The following SCOC variants were observed in gnomAD, a reference collection of about 807,000 sequenced individuals.
SCOC encodes short coiled coil protein.
In SCOC, 7 loss-of-function variants were observed where a neutral mutation model predicts 9.9. The ratio of observed to expected loss-of-function variants is 0.71; its 90% CI spans 0.40 to 1.33. The LOEUF is 1.33. Among genes scored for constraint, SCOC ranks in the 40% most tolerant of loss-of-function variants. The pLI, the probability that SCOC is intolerant of heterozygous loss-of-function variation, is 0.01. For missense variants in SCOC, 66 were observed against 89.7 expected (o/e 0.74, Z 1.07); for synonymous variants, 19 against 28.2 (o/e 0.67, Z 1.03).
chr4:140,315,129 C>A (rs928708697), intron 1 of SCOC, among the ~76,000 whole-genome samples: 1 of 152,164 alleles, frequency 6.6e-6, no homozygotes, highest in Non-Finnish European at 1.5e-5. Context: ...ACTCCATATT[C>A]TCTCTCTTCA....
chr4:140,333,770 G>T (rs978981582), intron 1 of SCOC, among the ~76,000 whole-genome samples: 1 of 152,176 alleles, frequency 6.6e-6, no homozygotes, highest in Non-Finnish European at 1.5e-5. Context: ...CTGACATCTT[G>T]TTGCTGGAGT....
intron 1 of SCOC, among the ~76,000 whole-genome samples, chr4:140,330,431 T>C (rs1480501484): frequency 6.6e-6 from 1 of 152,004 alleles, no homozygotes; most frequent in Admixed American, 6.6e-5. Flanking sequence ...ATAAAAAAAT[T>C]AAAAATTAAA....
chr4:140,372,429 T>C (rs1232903894), upstream of SCOC, among the ~76,000 whole-genome samples: 1 of 152,226 alleles, frequency 6.6e-6, no homozygotes, highest in Non-Finnish European at 1.5e-5. Flanking sequence ...AATCTGAAAA[T>C]TCAAATATTC....
chr4:140,340,783 C>CTTTTTTTTTTTTTT (rs36136647), upstream of SCOC, among the ~76,000 whole-genome samples: 378 of 40,448 alleles, frequency 9.3e-3, 63 homozygotes, highest in Middle Eastern at 0.019. Context: ...TGCTGCCTAA[C>CTTTTTTTTTTTTTT]TTTTTTTTTT....
upstream of SCOC, among the ~76,000 whole-genome samples, chr4:140,338,718 A>C (rs1726375207): frequency 6.6e-6 from 1 of 152,202 alleles, no homozygotes. Flanking sequence ...AAGAGAATAA[A>C]ATACCTAGGA....
At chr4:140,279,503 C>T (rs551597570) in intron 1 of SCOC, among the ~76,000 whole-genome samples, 1 of 152,190 alleles carries the variant, frequency 6.6e-6, no homozygotes, top group East Asian at 1.9e-4. Flanking sequence ...AAGGACTATC[C>T]TTGGATACTG....
At chr4:140,295,804 G>A (rs62345648) in intron 1 of SCOC, among the ~76,000 whole-genome samples, 1 of 151,930 alleles carries the variant, frequency 6.6e-6, no homozygotes, top group Admixed American at 6.5e-5. Context: ...GGTGGCGGGC[G>A]CCTGTAGTCC....
At chr4:140,350,024 C>T (rs562843473) in intron 2 of SCOC, among the ~76,000 whole-genome samples, 10 of 152,300 alleles carry the variant, frequency 6.6e-5, no homozygotes, top group African/African-American at 2.2e-4. Flanking sequence ...GTAGGAGACC[C>T]TTAATGTTCC....
intron 2 of SCOC, among the ~76,000 whole-genome samples, chr4:140,350,854 G>C (rs1290519391): frequency 6.6e-6 from 1 of 152,122 alleles, no homozygotes; most frequent in Non-Finnish European, 1.5e-5. Context: ...TCCTTCCTCT[G>C]TTGCCCACTT....
chr4:140,336,606 AATTT>A (rs1361440608), intron 1 of SCOC, among the ~76,000 whole-genome samples: 2 of 152,112 alleles, frequency 1.3e-5, no homozygotes, highest in African/African-American at 2.4e-5. Context: ...TACGTATCAC[AATTT>A]ATTTATCCAT....
At chr4:140,321,479 GAGAT>G (rs1159515778) in intron 1 of SCOC, among the ~76,000 whole-genome samples, 4 of 152,134 alleles carry the variant, frequency 2.6e-5, no homozygotes, top group African/African-American at 9.7e-5. Context: ...GTTCAACAGA[GAGAT>G]AGAAACAACA....
chr4:140,343,677 A>AT lies in SCOC; in HGVS notation c.41dup (p.Thr15HisfsTer8), dbSNP rs752622095. 7 of 1,613,662 alleles carry AT rather than the reference A, an allele frequency of 4.3e-6. No homozygotes were observed. The Admixed American group carries it at 1.0e-4, about 23-fold the overall frequency. ...GGAAAGAGGAGGAGGAAGACAGCAC[A>AT]TTCACCAACATTTCTCTTGCAGATG... On this transcript the variant is annotated frameshift_variant, in exon 2 of 5. Transcript: ENST00000338517. LOFTEE classifies it high-confidence loss of function.
At chr4:140,354,364 T>C (rs181308330) in intron 2 of SCOC, among the ~76,000 whole-genome samples, 1 of 152,348 alleles carries the variant, frequency 6.6e-6, no homozygotes, top group African/African-American at 2.4e-5. Context: ...TAAAATGTTA[T>C]AATTTGAGAG....
intron 1 of SCOC, among the ~76,000 whole-genome samples, chr4:140,334,079 C>T (rs1471961352): frequency 6.6e-6 from 1 of 152,158 alleles, no homozygotes; most frequent in East Asian, 1.9e-4. Flanking sequence ...TCACGCCCAG[C>T]TAATTAAAAA....
rs778639704 is a variant in SCOC, at chr4:140,384,592, C to T, written c.*3488C>T. 1.3e-5 allele frequency: 2 copies of T among 152,262 alleles called. No homozygotes were observed. The highest frequency in any genetic ancestry group is 1.9e-4 in the East Asian group (1 of 5,202). 9.4% of individuals were successfully genotyped at this position (152,262 alleles called of 1,614,324 possible). A position where few individuals can be genotyped will look rare whatever the true frequency, so the allele number is the denominator to read the frequency against. On this transcript the variant is annotated 3_prime_UTR_variant, in exon 4 of 4. Transcript: ENST00000608372. The stretch of plus-strand genomic sequence containing the variant: ...TCACTGCTCATTGACTATAAATCCT[C>T]AGTTGTATTTGCTGTGTTAGTTGAG...
intron 1 of SCOC, among the ~76,000 whole-genome samples, chr4:140,288,693 A>G (rs531955242): frequency 5.8e-4 from 88 of 152,096 alleles, no homozygotes; most frequent in Non-Finnish European, 1.9e-4. Context: ...ATATACATAC[A>G]TGTGCCCCAA....
intron 1 of SCOC, among the ~76,000 whole-genome samples, chr4:140,290,025 C>T (rs149932338): frequency 1.3e-5 from 2 of 152,322 alleles, no homozygotes; most frequent in Non-Finnish European, 2.9e-5. Context: ...ACCAATCTTT[C>T]AGTGTTTTTA....
At chr4:140,373,505 A>T (rs1465656081), upstream of SCOC, 2 of 1,551,482 alleles carry the variant, frequency 1.3e-6, no homozygotes, top group Non-Finnish European at 1.7e-6. Flanking sequence ...CGGTGCTTTG[A>T]GATTGGACGA....
intron 1 of SCOC, among the ~76,000 whole-genome samples, chr4:140,337,019 T>C (rs1732976205): frequency 6.6e-6 from 1 of 152,238 alleles, no homozygotes; most frequent in South Asian, 2.1e-4. Context: ...CATGTGCTTA[T>C]TGACCATTTG....
Sources: allele counts gnomAD v4.1 joint callset (sites outside exome capture counted in the v4.1 genomes callset), GRCh38; gene constraint gnomAD v4.1.1; transcripts MANE v1.5; gene names NCBI Gene and HGNC (gene_info 2026-07-23, HGNC 2026-07-21).